Variants in ENOX1 observed in about 807,000 individuals in gnomAD.
ENOX1 encodes the protein ecto-NOX disulfide-thiol exchanger 1, also known as candidate growth-related and time keeping constitutive hydroquinone (NADH) oxidase.
In ENOX1, 42 loss-of-function variants were observed where a neutral mutation model predicts 82.5. That is an observed-to-expected ratio of 0.51 (90% confidence interval 0.40 to 0.66). The LOEUF (loss-of-function observed/expected upper bound fraction) is 0.66. Among genes scored for constraint, ENOX1 ranks in the 30% least tolerant of loss-of-function variants. The pLI is 0.00. For missense variants in ENOX1, 608 were observed against 811.6 expected, an observed-to-expected ratio of 0.75 and a Z score of 3.05; for synonymous variants, 271 against 282.2, an observed-to-expected ratio of 0.96 and a Z score of 0.40.
At chr13:43,749,558 C>A (rs543762948) in intron 1 of ENOX1, among the ~76,000 whole-genome samples, 265 of 152,320 alleles carry the variant, frequency 1.7e-3, no homozygotes, top group Non-Finnish European at 3.0e-3. Flanking sequence ...CATCAAGTAG[C>A]AAAGATGCAC....
At chr13:43,729,877 T>A (rs78744069) in intron 1 of ENOX1, among the ~76,000 whole-genome samples, 188 of 152,322 alleles carry the variant, frequency 1.2e-3, no homozygotes, top group South Asian at 2.3e-3. Flanking sequence ...CCAATTTTAG[T>A]ATATGTGCTG....
At chr13:43,770,183 T>A (rs1273572466) in intron 1 of ENOX1, among the ~76,000 whole-genome samples, 1 of 152,206 alleles carries the variant, frequency 6.6e-6, no homozygotes, top group Non-Finnish European at 1.5e-5. Flanking sequence ...TTAACAAAAC[T>A]CTTAGTTTCC....
intron 2 of ENOX1, among the ~76,000 whole-genome samples, chr13:43,599,669 A>G (rs1321926207): frequency 6.6e-6 from 1 of 151,866 alleles, no homozygotes; most frequent in African/African-American, 2.4e-5. Flanking sequence ...TGAGATGCAT[A>G]TGACCTAGTA....
intron 2 of ENOX1, among the ~76,000 whole-genome samples, chr13:43,656,858 T>C (rs9594987): frequency 0.44 from 66,558 of 152,042 alleles, 14,719 homozygotes; most frequent in Admixed American, 0.5. Context: ...ATCATTATTA[T>C]AAACTTCCCC....
intron 3 of ENOX1, among the ~76,000 whole-genome samples, chr13:43,463,635 C>T (rs187842527): frequency 9.9e-5 from 15 of 152,266 alleles, no homozygotes; most frequent in African/African-American, 3.4e-4. Flanking sequence ...AAGTACGCAC[C>T]ATGTGAAATT....
In ENOX1 at chr13:43,725,014, C is replaced by T. The variant is rs575727049; in HGVS notation, c.-284-57470G>A. 7.2e-4 allele frequency among the ~76,000 whole-genome samples: 110 copies of T among 152,264 alleles called. 1 individual carries two copies. The highest frequency in any genetic ancestry group is 1.4e-3 in the Non-Finnish European group (96 of 68,022). On this transcript the variant is annotated intron_variant, in intron 1 of 16. Coordinates refer to ENST00000690772, the MANE Select transcript of ENOX1 (RefSeq NM_001347969.2). ...GAGAGAGAGGGCACAGCTGCCTCCA[C>T]GGAATACCCTGTTATTGGGCATGAC...
At chr13:43,264,880 TCA>T (rs1416103026) in intron 14 of ENOX1, among the ~76,000 whole-genome samples, 21 of 152,184 alleles carry the variant, frequency 1.4e-4, no homozygotes, top group Non-Finnish European at 1.5e-5. Flanking sequence ...TCTTGTACCA[TCA>T]CACATTATTC....
chr13:43,493,679 G>A (rs2076698085), intron 2 of ENOX1, among the ~76,000 whole-genome samples: 2 of 152,138 alleles, frequency 1.3e-5, no homozygotes, highest in South Asian at 4.1e-4. Context: ...GATTCCCCTG[G>A]GGGCAGGCCT....
chr13:43,618,103 G>A (rs1490148068), intron 2 of ENOX1, among the ~76,000 whole-genome samples: 1 of 151,974 alleles, frequency 6.6e-6, no homozygotes, highest in Admixed American at 6.6e-5. Flanking sequence ...TGTTGAGTTC[G>A]TTGTAGATTC....
intron 2 of ENOX1, among the ~76,000 whole-genome samples, chr13:43,519,966 A>T (rs2077699632): frequency 6.6e-6 from 1 of 152,072 alleles, no homozygotes; most frequent in Non-Finnish European, 1.5e-5. Flanking sequence ...CCCTCCTTGA[A>T]TGCTTTACCT....
chr13:43,304,775 C>T (rs2046770627), intron 11 of ENOX1, among the ~76,000 whole-genome samples: 2 of 152,286 alleles, frequency 1.3e-5, no homozygotes, highest in South Asian at 4.2e-4. Flanking sequence ...CACTGATACC[C>T]ACTAATCCCA....
intron 12 of ENOX1, among the ~76,000 whole-genome samples, chr13:43,281,075 G>A (rs2045351425): frequency 6.6e-6 from 1 of 152,166 alleles, no homozygotes; most frequent in Non-Finnish European, 1.5e-5. Context: ...TGGATAAACT[G>A]GTGAGGGCTG....
At chr13:43,278,427 A>G (rs1360905378) in intron 12 of ENOX1, among the ~76,000 whole-genome samples, 1 of 152,168 alleles carries the variant, frequency 6.6e-6, no homozygotes, top group Non-Finnish European at 1.5e-5. Flanking sequence ...ACAGTTTTGC[A>G]AAGACGATGA....
chr13:43,710,190 A>T (rs1345314728), intron 1 of ENOX1, among the ~76,000 whole-genome samples: 2 of 152,140 alleles, frequency 1.3e-5, no homozygotes, highest in African/African-American at 4.8e-5. Context: ...TGGCAGGGCA[A>T]GGAGACTATG....
At chr13:43,329,034 T>C (rs1332406411) in intron 9 of ENOX1, among the ~76,000 whole-genome samples, 2 of 152,152 alleles carry the variant, frequency 1.3e-5, no homozygotes, top group Non-Finnish European at 2.9e-5. Flanking sequence ...GCTAAGTAGA[T>C]AGGTGGCATT....
chr13:43,261,313 G>A (rs1346540341), intron 14 of ENOX1, among the ~76,000 whole-genome samples: 5 of 152,156 alleles, frequency 3.3e-5, no homozygotes, highest in Non-Finnish European at 7.3e-5. Flanking sequence ...ACGACTAATA[G>A]ATACTATAAG....
chr13:43,479,003 T>C (rs1444851738), intron 3 of ENOX1, among the ~76,000 whole-genome samples: 1 of 98,330 alleles, frequency 1.0e-5, no homozygotes, highest in East Asian at 2.2e-4. Flanking sequence ...ATTGTTTCTA[T>C]GTCCTCTCCT....
rs1361460995 is a variant in ENOX1, at chr13:43,602,560, G to C, written c.-219+64919C>G. ...AATATGCCCAGCACTTAATAAAAAT[G>C]TAGGAAAATGAACATTCATGCCAGC... On this transcript the variant is annotated intron_variant, in intron 2 of 16. Transcript: ENST00000690772. 2.8e-4 allele frequency among the ~76,000 whole-genome samples: 42 copies of C among 152,018 alleles called. 1 individual carries two copies. The highest frequency in any genetic ancestry group is 2.6e-3 in the Admixed American group (39 of 15,270).
At chr13:43,284,388 A>T (rs2045571451) in intron 12 of ENOX1, among the ~76,000 whole-genome samples, 1 of 152,206 alleles carries the variant, frequency 6.6e-6, no homozygotes, top group Non-Finnish European at 1.5e-5. Flanking sequence ...TCAGCAAATG[A>T]CTCAGTATAA....
Sources: gnomAD v4.1 joint callset for allele counts (sites outside exome capture counted in the v4.1 genomes callset) on GRCh38, gnomAD v4.1.1 for gene constraint, MANE v1.5 for transcripts, NCBI Gene and HGNC (gene_info 2026-07-23, HGNC 2026-07-21) for gene names.